The following UGCG variants were observed in gnomAD, a reference collection of about 807,000 sequenced individuals.
UGCG encodes ceramide glucosyltransferase.
In UGCG, 10 loss-of-function variants were observed where a neutral mutation model predicts 49.5. The ratio of observed to expected loss-of-function variants is 0.20; its 90% confidence interval spans 0.12 to 0.34. The LOEUF is 0.34. Ranked by LOEUF, UGCG falls within the 10% of genes least tolerant of loss-of-function variation. The probability of loss-of-function intolerance (pLI) is 1.00; values close to 1 mark genes in which losing one functional copy is unlikely to be tolerated. For synonymous variants in UGCG, 182 were observed against 158.2 expected, an observed-to-expected ratio of 1.15 and a Z score of -1.13; for missense variants, 312 against 483.7, an observed-to-expected ratio of 0.65 and a Z score of 3.33.
intron 6 of UGCG, among the ~76,000 whole-genome samples, chr9:111,930,589 T>G (rs1037143839): frequency 4.0e-5 from 6 of 151,130 alleles, no homozygotes; most frequent in Admixed American, 2.0e-4. Flanking sequence ...TGCCTCAGCC[T>G]CCCAAGTAGC....
intron 1 of UGCG, among the ~76,000 whole-genome samples, chr9:111,902,641 T>C (rs1306167267): frequency 5.9e-5 from 9 of 152,194 alleles, no homozygotes; most frequent in Non-Finnish European, 1.0e-4. Context: ...GGAAGATAAA[T>C]TCCTAGAGTC....
At chr9:111,923,547 A>G (rs1314767278) in intron 3 of UGCG, among the ~76,000 whole-genome samples, 17 of 152,222 alleles carry the variant, frequency 1.1e-4, no homozygotes, top group Non-Finnish European at 4.4e-5. Flanking sequence ...GACCATTACA[A>G]ATCTATCAGC....
chr9:111,924,043 C>T (rs1465327984), intron 3 of UGCG, among the ~76,000 whole-genome samples: 2 of 152,204 alleles, frequency 1.3e-5, no homozygotes, highest in Non-Finnish European at 2.9e-5. Flanking sequence ...CCCCCTCGAC[C>T]TCCCAAAGTG....
intron 3 of UGCG, among the ~76,000 whole-genome samples, chr9:111,923,547 A>C (rs1314767278): frequency 1.3e-5 from 2 of 152,222 alleles, no homozygotes; most frequent in African/African-American, 4.8e-5. Flanking sequence ...GACCATTACA[A>C]ATCTATCAGC....
intron 7 of UGCG, 65 bp downstream of exon 7, chr9:111,931,422 T>C: frequency 6.7e-7 from 1 of 1,501,620 alleles, no homozygotes; most frequent in Non-Finnish European, 9.2e-7. Flanking sequence ...TGGTAATTTT[T>C]ACAGGTTTAA....
chr9:111,926,588 A>G (rs2118586633), intron 5 of UGCG, 92 bp downstream of exon 5: 2 of 949,478 alleles, frequency 2.1e-6, no homozygotes, highest in Non-Finnish European at 3.1e-6. Context: ...AGGTATCTCA[A>G]GTTAACTGTA....
At chr9:111,913,047 T>C (rs1477961636) in intron 1 of UGCG, among the ~76,000 whole-genome samples, 3 of 152,196 alleles carry the variant, frequency 2.0e-5, no homozygotes, top group Non-Finnish European at 2.9e-5. Flanking sequence ...CAGAAGTCTT[T>C]CCCAGTTTAA....
chr9:111,918,028 G>A (rs1334813956), intron 2 of UGCG, among the ~76,000 whole-genome samples: 8 of 151,334 alleles, frequency 5.3e-5, no homozygotes, highest in Non-Finnish European at 1.0e-4. Context: ...TTTCTTTTTT[G>A]CAATTATAGA....
chr9:111,919,809 A>AAAG (rs1838187287), intron 2 of UGCG, among the ~76,000 whole-genome samples: 1 of 151,882 alleles, frequency 6.6e-6, no homozygotes, highest in Non-Finnish European at 1.5e-5. Context: ...AAAAAAAAAA[A>AAAG]AAAGAAACTA....
intron 3 of UGCG, 120 bp downstream of exon 3, chr9:111,923,071 A>C (rs1056474333): frequency 1.7e-6 from 1 of 574,334 alleles, no homozygotes. Context: ...TTGTTGGAGT[A>C]CTGAGAGGTG....
At chr9:111,929,439 C>T (rs991732178) in intron 5 of UGCG, 61 bp from the exon 6 acceptor site, 20 of 1,531,158 alleles carry the variant, frequency 1.3e-5, no homozygotes, top group East Asian at 2.3e-5. Context: ...AAAAACAGTT[C>T]GTGAACACCA....
chr9:111,910,936 G>A (rs1369350316), intron 1 of UGCG, among the ~76,000 whole-genome samples: 2 of 152,018 alleles, frequency 1.3e-5, no homozygotes, highest in East Asian at 1.9e-4. Context: ...TAGTAGAGAC[G>A]GAGTTTCACC....
chr9:111,928,705 T>C (rs1296331882), intron 5 of UGCG, among the ~76,000 whole-genome samples: 1 of 152,194 alleles, frequency 6.6e-6, no homozygotes, highest in African/African-American at 2.4e-5. Context: ...TGCTCTGCAC[T>C]GTGTGTGTAA....
intron 3 of UGCG, among the ~76,000 whole-genome samples, chr9:111,924,349 ATC>A (rs1189744177): frequency 1.3e-5 from 2 of 152,188 alleles, no homozygotes; most frequent in African/African-American, 2.4e-5. Context: ...ATGGTGGGAA[ATC>A]TCTCTTAGCA....
At chr9:111,915,752 C>A (rs1198367021) in intron 2 of UGCG, 7 of 982,096 alleles carry the variant, frequency 7.1e-6, no homozygotes, top group Non-Finnish European at 8.5e-6. Flanking sequence ...TATTTCTTTT[C>A]TTTTAGCCTT....
At chr9:111,930,616 C>T (rs1179628075) in intron 6 of UGCG, among the ~76,000 whole-genome samples, 3 of 151,794 alleles carry the variant, frequency 2.0e-5, no homozygotes, top group South Asian at 2.1e-4. Context: ...TATAGGCACC[C>T]GCCGCCACAC....
At chr9:111,926,301 C>T (rs1838310997) in intron 4 of UGCG, 83 bp from the exon 5 acceptor site, 1 of 792,516 alleles carries the variant, frequency 1.3e-6, no homozygotes, top group South Asian at 2.3e-5. Flanking sequence ...TAACAATTCA[C>T]AAAATATATT....
intron 3 of UGCG, 117 bp downstream of exon 3, chr9:111,923,068 A>G: frequency 1.6e-6 from 1 of 613,350 alleles, no homozygotes; most frequent in Non-Finnish European, 2.6e-6. Context: ...TGTTTGTTGG[A>G]GTACTGAGAG....
chr9:111,903,011 C>A (rs1002577723), intron 1 of UGCG, among the ~76,000 whole-genome samples: 6 of 152,088 alleles, frequency 3.9e-5, no homozygotes, highest in African/African-American at 1.4e-4. Flanking sequence ...CTCCTGGCCT[C>A]AAGTGATTCC....
Sources: gnomAD v4.1 joint callset for allele counts (sites outside exome capture counted in the v4.1 genomes callset) on GRCh38, gnomAD v4.1.1 for gene constraint, MANE v1.5 for transcripts, NCBI Gene and HGNC (gene_info 2026-07-23, HGNC 2026-07-21) for gene names.